The following DISC1 variants were observed in gnomAD, a reference collection of about 807,000 sequenced individuals.
DISC1 encodes DISC1 scaffold protein, also known as disrupted in schizophrenia 1 protein.
In DISC1, 57 loss-of-function variants were observed where a neutral mutation model predicts 84.5. The observed-to-expected ratio is 0.67, with a 90% CI of 0.55 to 0.84. DISC1 has a LOEUF of 0.84. Among genes scored for constraint, DISC1 ranks in the 40% least tolerant of loss-of-function variants. The pLI, the probability that DISC1 is intolerant of heterozygous loss-of-function variation, is 0.00. For synonymous variants in DISC1, 411 were observed against 415.2 expected, an observed-to-expected ratio of 0.99 and a Z score of 0.12; for missense variants, 1,000 against 1,057.8, an observed-to-expected ratio of 0.95 and a Z score of 0.76.
intron 8 of DISC1, among the ~76,000 whole-genome samples, chr1:231,816,557 G>T (rs1411577938): frequency 6.6e-6 from 1 of 152,036 alleles, no homozygotes; most frequent in Non-Finnish European, 1.5e-5. Context: ...TTACATGTAG[G>T]CCTGTGATCC....
intron 6 of DISC1, among the ~76,000 whole-genome samples, chr1:231,785,424 C>T (rs2077775355): frequency 6.6e-6 from 1 of 151,882 alleles, no homozygotes; most frequent in Non-Finnish European, 1.5e-5. Context: ...GGACCACAGA[C>T]ACATGCCACC....
chr1:231,931,980 T>C (rs1243845565), intron 9 of DISC1, among the ~76,000 whole-genome samples: 1 of 152,130 alleles, frequency 6.6e-6, no homozygotes, highest in Non-Finnish European at 1.5e-5. Flanking sequence ...CACCAGCTCA[T>C]GGCCGTGGGG....
chr1:232,014,622 A>G (rs924322497), intron 11 of DISC1, among the ~76,000 whole-genome samples: 1 of 152,230 alleles, frequency 6.6e-6, no homozygotes, highest in African/African-American at 2.4e-5. Context: ...TCTAGCTGAA[A>G]ACATGCCCTC....
intron 9 of DISC1, among the ~76,000 whole-genome samples, chr1:231,949,158 G>A (rs979576639): frequency 4.6e-5 from 7 of 152,208 alleles, no homozygotes; most frequent in African/African-American, 9.6e-5. Flanking sequence ...GTGAGCCACC[G>A]TGCCCGGCCT....
rs1048398635 is a variant in DISC1 at position 231,866,683 on chromosome 1, G to A, written c.1981+48166G>A. The A allele has an allele frequency of 1.4e-5, 20 of 1,406,998 alleles. No homozygotes were observed. In the African/African-American group the frequency reaches 2.3e-4, roughly 16 times the overall value. The allele number at this position is 1,406,998 out of a possible 1,614,324, so 87.2% of individuals were successfully genotyped here. A position where few individuals can be genotyped will look rare whatever the true frequency, so the allele number is the denominator to read the frequency against. On this transcript the variant is annotated intron_variant, in intron 9 of 12. Transcript: ENST00000439617. ...TGAAAGGGCATTGAAGAGACATGAT[G>A]TCACAATAAAAAGAAAAAAAGAAAA...
chr1:231,758,069 G>A (rs2075314369), intron 4 of DISC1, among the ~76,000 whole-genome samples: 1 of 146,960 alleles, frequency 6.8e-6, no homozygotes, highest in Non-Finnish European at 1.5e-5. Flanking sequence ...GCTCCACACT[G>A]TTTTTTTTTT....
chr1:232,025,914 C>T (rs1030772058), intron 11 of DISC1, among the ~76,000 whole-genome samples: 6 of 152,088 alleles, frequency 3.9e-5, no homozygotes, highest in Non-Finnish European at 7.4e-5. Flanking sequence ...GTGGTGGTAG[C>T]GGCGGCTCTA....
intron 1 of DISC1, among the ~76,000 whole-genome samples, chr1:231,627,941 A>T (rs1361880656): frequency 1.3e-5 from 2 of 152,202 alleles, no homozygotes; most frequent in East Asian, 3.8e-4. Context: ...AATCCTGGAC[A>T]TGCAGGAGAC....
At chr1:231,814,838 G>C (rs930389068) in intron 8 of DISC1, 1 of 151,934 alleles carries the variant, frequency 6.6e-6, no homozygotes, top group Admixed American at 6.6e-5. Context: ...GGTCAGCCAG[G>C]CCAGGGAAAA....
intron 5 of DISC1, among the ~76,000 whole-genome samples, chr1:231,769,963 A>G (rs1178753643): frequency 6.6e-6 from 1 of 152,072 alleles, no homozygotes; most frequent in Non-Finnish European, 1.5e-5. Context: ...GTAACTCCCA[A>G]TTCTTCTCCC....
chr1:231,732,153 C>A (rs1241713193), intron 3 of DISC1, among the ~76,000 whole-genome samples: 1 of 152,196 alleles, frequency 6.6e-6, no homozygotes, highest in Non-Finnish European at 1.5e-5. Flanking sequence ...GACTTGAAGG[C>A]TACATGAGAA....
In DISC1 at chr1:231,698,298, A is replaced by C. The variant is rs185948258; in HGVS notation, c.1047+3493A>C. 1.8e-4 allele frequency among the ~76,000 whole-genome samples: 27 copies of C among 152,250 alleles called. No homozygotes were observed. The highest frequency in any genetic ancestry group is 1.7e-3 in the Admixed American group (26 of 15,290). ...TAACTACAGTACTGTGAATAAGGAG[A>C]ATCGACTGTGAATATTTTATGCTGT... On this transcript the variant is annotated intron_variant, in intron 2 of 12. Transcript: ENST00000439617. The surrounding 1 kb of genome is among the most constrained non-coding windows in gnomAD (Gnocchi z 4.9).
chr1:231,895,630 T>C (rs2087628373), intron 9 of DISC1, among the ~76,000 whole-genome samples: 1 of 151,916 alleles, frequency 6.6e-6, no homozygotes, highest in Admixed American at 6.6e-5. Flanking sequence ...CTAGATTTTT[T>C]TTTTTACTAA....
chr1:231,736,514 A>C (rs779024866), intron 3 of DISC1, among the ~76,000 whole-genome samples: 2 of 152,260 alleles, frequency 1.3e-5, no homozygotes, highest in Non-Finnish European at 2.9e-5. Context: ...GCAGATGCTC[A>C]AAAATGATTA....
chr1:231,645,060 T>C (rs1021953124), intron 1 of DISC1, among the ~76,000 whole-genome samples: 8 of 152,222 alleles, frequency 5.3e-5, no homozygotes, highest in Non-Finnish European at 1.0e-4. Flanking sequence ...AAAAATCTAT[T>C]TTCTGGATCC....
At chr1:231,988,241 G>C (rs552800294) in intron 10 of DISC1, among the ~76,000 whole-genome samples, 1 of 152,132 alleles carries the variant, frequency 6.6e-6, no homozygotes, top group Non-Finnish European at 1.5e-5. Flanking sequence ...ACTGCAGACC[G>C]ACAACATTGA....
At chr1:231,664,335 C>T (rs139814353) in intron 1 of DISC1, among the ~76,000 whole-genome samples, 1 of 152,276 alleles carries the variant, frequency 6.6e-6, no homozygotes, top group African/African-American at 2.4e-5. Context: ...CTTTCATTAT[C>T]CACATCCCCC....
At chr1:231,805,682 A>T (rs2079650150) in intron 8 of DISC1, among the ~76,000 whole-genome samples, 1 of 151,454 alleles carries the variant, frequency 6.6e-6, no homozygotes, top group African/African-American at 2.4e-5. Context: ...CTGGTGCTAA[A>T]TCATTAATGA....
intron 9 of DISC1, among the ~76,000 whole-genome samples, chr1:231,928,729 T>C (rs2090489216): frequency 6.6e-6 from 1 of 152,238 alleles, no homozygotes; most frequent in Non-Finnish European, 1.5e-5. Context: ...CTGCTTCAGC[T>C]GTGTCCCAGG....
Sources: gnomAD v4.1 joint callset for allele counts (sites outside exome capture counted in the v4.1 genomes callset) on GRCh38, gnomAD v4.1.1 for gene constraint, Gnocchi (gnomAD v3.1) non-coding constraint, MANE v1.5 for transcripts, NCBI Gene and HGNC (gene_info 2026-07-23, HGNC 2026-07-21) for gene names.